The following PIP4K2A variants were observed in gnomAD, a reference collection of about 807,000 sequenced individuals.
The protein encoded by PIP4K2A is phosphatidylinositol 5-phosphate 4-kinase type-2 alpha.
PIP4K2A carries 14 observed loss-of-function variants against 42.9 expected under a neutral mutation model. That is an observed-to-expected ratio of 0.33 (90% CI 0.22 to 0.51). PIP4K2A has a LOEUF of 0.51. Ranked by LOEUF, PIP4K2A falls within the 20% of genes least tolerant of loss-of-function variation. PIP4K2A has a pLI of 0.97. For synonymous variants in PIP4K2A, 192 were observed against 192.2 expected (o/e 1.00, Z 0.01); for missense variants, 434 against 519.8 (o/e 0.83, Z 1.61).
At chr10:22,592,004 A>G (rs1294468123) in intron 3 of PIP4K2A, among the ~76,000 whole-genome samples, 4 of 152,240 alleles carry the variant, frequency 2.6e-5, no homozygotes, top group African/African-American at 4.8e-5. Context: ...TATGATTCTA[A>G]TATCTTTAAA....
chr10:22,629,137 T>C (rs1451671796), intron 1 of PIP4K2A, among the ~76,000 whole-genome samples: 7 of 152,196 alleles, frequency 4.6e-5, no homozygotes, highest in Admixed American at 3.9e-4. Flanking sequence ...AACAGAACAA[T>C]TTACCAGAAA....
At chr10:22,637,613 A>G (rs1358731776) in intron 1 of PIP4K2A, among the ~76,000 whole-genome samples, 1 of 152,168 alleles carries the variant, frequency 6.6e-6, no homozygotes, top group East Asian at 1.9e-4. Context: ...TTCTTTGTGC[A>G]GTGAGGTTCA....
intron 1 of PIP4K2A, among the ~76,000 whole-genome samples, chr10:22,618,470 T>G (rs551816237): frequency 6.7e-4 from 102 of 152,306 alleles, no homozygotes; most frequent in African/African-American, 2.2e-3. Context: ...AGTTCTGACT[T>G]GTTTTGTCCC....
intron 1 of PIP4K2A, among the ~76,000 whole-genome samples, chr10:22,626,355 T>G (rs1838437276): frequency 6.6e-6 from 1 of 152,220 alleles, no homozygotes; most frequent in Non-Finnish European, 1.5e-5. Flanking sequence ...CCTAAGAGAC[T>G]ATTTCTAAAA....
At chr10:22,645,292 T>C (rs912617221) in intron 1 of PIP4K2A, among the ~76,000 whole-genome samples, 7 of 152,178 alleles carry the variant, frequency 4.6e-5, no homozygotes, top group African/African-American at 1.7e-4. Flanking sequence ...ACGCCCATAA[T>C]CCCAGCACTT....
chr10:22,645,894 T>A (rs1260845596), intron 1 of PIP4K2A, among the ~76,000 whole-genome samples: 1 of 152,064 alleles, frequency 6.6e-6, no homozygotes, highest in East Asian at 1.9e-4. Flanking sequence ...ATTAATTTTT[T>A]TATTTTTTGT....
chr10:22,657,214 C>G (rs932614707), intron 1 of PIP4K2A, among the ~76,000 whole-genome samples: 2 of 152,220 alleles, frequency 1.3e-5, no homozygotes, highest in African/African-American at 4.8e-5. Flanking sequence ...CCGCCCCAGA[C>G]AGCTGGTGGA....
chr10:22,541,496 T>C (rs767868700), intron 8 of PIP4K2A, among the ~76,000 whole-genome samples: 1 of 152,240 alleles, frequency 6.6e-6, no homozygotes, highest in Non-Finnish European at 1.5e-5. Context: ...GTGTTGTGTG[T>C]GCACGTACGT....
chr10:22,663,097 G>A (rs1412709346), intron 1 of PIP4K2A, among the ~76,000 whole-genome samples: 2 of 152,206 alleles, frequency 1.3e-5, no homozygotes, highest in African/African-American at 4.8e-5. Context: ...TGAGCTTAGT[G>A]TCAGCAGTAA....
intron 3 of PIP4K2A, among the ~76,000 whole-genome samples, chr10:22,604,793 T>C (rs1284045241): frequency 6.6e-6 from 1 of 152,178 alleles, no homozygotes; most frequent in African/African-American, 2.4e-5. Flanking sequence ...ACAAGGTTGC[T>C]TTTAGTCATT....
At chr10:22,686,937 C>T (rs1005648877) in intron 1 of PIP4K2A, among the ~76,000 whole-genome samples, 2 of 152,134 alleles carry the variant, frequency 1.3e-5, no homozygotes, top group Non-Finnish European at 2.9e-5. Context: ...AGAGGTATTC[C>T]GCAGCTGAAG....
chr10:22,574,672 C>G (rs1837070493), intron 4 of PIP4K2A, among the ~76,000 whole-genome samples: 1 of 152,112 alleles, frequency 6.6e-6, no homozygotes, highest in Non-Finnish European at 1.5e-5. Context: ...TGCCTCTTCC[C>G]TTTCTTTTTT....
At chr10:22,620,787 A>T (rs920113579) in intron 1 of PIP4K2A, among the ~76,000 whole-genome samples, 1 of 152,220 alleles carries the variant, frequency 6.6e-6, no homozygotes, top group Non-Finnish European at 1.5e-5. Flanking sequence ...GGCTTTAGCC[A>T]CCACAGGGCT....
chr10:22,661,879 A>T (rs1839211806), intron 1 of PIP4K2A: 2 of 152,246 alleles, frequency 1.3e-5, no homozygotes, highest in Non-Finnish European at 2.9e-5. Context: ...GAAGAGGCTG[A>T]AAATTAGAAA....
At chr10:22,581,628 C>A (rs1837284180) in intron 4 of PIP4K2A, among the ~76,000 whole-genome samples, 1 of 148,728 alleles carries the variant, frequency 6.7e-6, no homozygotes, top group African/African-American at 2.5e-5. Context: ...CCGTTCACTT[C>A]TGCACTGTCA....
intron 1 of PIP4K2A, among the ~76,000 whole-genome samples, chr10:22,644,351 G>A (rs1484849474): frequency 2.0e-5 from 3 of 152,182 alleles, no homozygotes; most frequent in Non-Finnish European, 4.4e-5. Flanking sequence ...GCATGATTCT[G>A]CAGATGGCGG....
At chr10:22,561,167 A>G (rs1282831042) in intron 6 of PIP4K2A, among the ~76,000 whole-genome samples, 1 of 152,178 alleles carries the variant, frequency 6.6e-6, no homozygotes, top group East Asian at 1.9e-4. Flanking sequence ...TAAAGAATAA[A>G]ACAAGTCATA....
At chr10:22,657,113 A>G (rs931192987) in intron 1 of PIP4K2A, among the ~76,000 whole-genome samples, 2 of 152,170 alleles carry the variant, frequency 1.3e-5, no homozygotes, top group African/African-American at 4.8e-5. Flanking sequence ...CTGCCCCAAC[A>G]TCTAATACTG....
chr10:22,583,387 C>A (rs1158778426), intron 4 of PIP4K2A, among the ~76,000 whole-genome samples: 2 of 152,152 alleles, frequency 1.3e-5, no homozygotes, highest in Non-Finnish European at 2.9e-5. Context: ...GCCTGAGTAG[C>A]CTATGCCTGG....
Sources: allele counts gnomAD v4.1 joint callset (sites outside exome capture counted in the v4.1 genomes callset), GRCh38; gene constraint gnomAD v4.1.1; transcripts MANE v1.5; gene names NCBI Gene and HGNC (gene_info 2026-07-23, HGNC 2026-07-21).